The following RBMS3 variants were observed in gnomAD, a reference collection of about 807,000 sequenced individuals.
The protein encoded by RBMS3 is RNA binding motif single stranded interacting protein 3, also known as RNA-binding motif, single-stranded-interacting protein 3.
RBMS3 carries 27 observed loss-of-function variants against 66.8 expected under a neutral mutation model. That is an observed-to-expected ratio of 0.40 (90% CI 0.30 to 0.56). The LOEUF (loss-of-function observed/expected upper bound fraction) is 0.56. Among genes scored for constraint, RBMS3 ranks in the 20% least tolerant of loss-of-function variants. RBMS3 has a pLI of 0.40. For missense variants in RBMS3, 513 were observed against 549.5 expected, an observed-to-expected ratio of 0.93 and a Z score of 0.66; for synonymous variants, 188 against 183.0, an observed-to-expected ratio of 1.03 and a Z score of -0.22.
Position 29,999,008 on chromosome 3 carries a change from C to T in RBMS3, c.1308-4848C>T, listed in dbSNP as rs866098228. Among the ~76,000 whole-genome samples the T allele has an allele frequency of 2.7e-4, 41 of 152,002 alleles. 1 individual carries two copies. Among genetic ancestry groups the T allele is most frequent in the Middle Eastern group, 3.4e-3 (1 of 294 alleles). On this transcript the variant is annotated intron_variant, in intron 14 of 14. Transcript: ENST00000383767. ...AACCTACAGAATGGGAGAAAATTTT[C>T]GCAACCTACTCATCTGACAAAGGGC...
At chr3:29,488,377 G>GAGTGTTTTA (rs2043401186) in intron 2 of RBMS3, 64 bp from the exon 3 acceptor site, 14 of 1,381,400 alleles carry the variant, frequency 1.0e-5, no homozygotes, top group Non-Finnish European at 1.3e-5. Context: ...ATGTTCATTA[G>GAGTGTTTTA]AGTGTTTTAA....
chr3:29,935,338 T>G (rs957851433), intron 10 of RBMS3, among the ~76,000 whole-genome samples: 1 of 151,978 alleles, frequency 6.6e-6, no homozygotes, highest in Non-Finnish European at 1.5e-5. Flanking sequence ...TGATAATAAA[T>G]CAAAAGACAT....
At chr3:29,741,648 C>T (rs1332980776) in intron 5 of RBMS3, among the ~76,000 whole-genome samples, 1 of 152,132 alleles carries the variant, frequency 6.6e-6, no homozygotes. Context: ...TTTCTTTAAA[C>T]AAAGGATGTG....
At chr3:29,890,926 G>T (rs1244460402) in intron 8 of RBMS3, among the ~76,000 whole-genome samples, 2 of 151,404 alleles carry the variant, frequency 1.3e-5, no homozygotes, top group Admixed American at 6.6e-5. Context: ...CCGTGGAGGA[G>T]AGGCAGTTGT....
chr3:29,630,830 A>G (rs1043877161), intron 4 of RBMS3, among the ~76,000 whole-genome samples: 6 of 152,102 alleles, frequency 3.9e-5, no homozygotes, highest in Middle Eastern at 3.4e-3. Context: ...CAAACAAGTA[A>G]TGATTCATTT....
At chr3:29,838,872 T>C (rs1306961535) in intron 6 of RBMS3, among the ~76,000 whole-genome samples, 2 of 152,178 alleles carry the variant, frequency 1.3e-5, no homozygotes, top group Admixed American at 6.5e-5. Flanking sequence ...TCTGTGAGAT[T>C]GGGTCACCGT....
intron 1 of RBMS3, among the ~76,000 whole-genome samples, chr3:29,335,287 T>TA (rs1384116902): frequency 6.6e-6 from 1 of 152,166 alleles, no homozygotes; most frequent in Non-Finnish European, 1.5e-5. Flanking sequence ...TGCGTACTGA[T>TA]ACAATATTTT....
intron 4 of RBMS3, among the ~76,000 whole-genome samples, chr3:29,700,323 G>C (rs7609577): frequency 0.6 from 91,477 of 151,988 alleles, 27,750 homozygotes; most frequent in African/African-American, 0.67. Flanking sequence ...TTCTTTTTCA[G>C]TCTCTTCCAT....
At chr3:29,804,105 A>G (rs2057470587) in intron 6 of RBMS3, among the ~76,000 whole-genome samples, 1 of 152,100 alleles carries the variant, frequency 6.6e-6, no homozygotes, top group Admixed American at 6.6e-5. Context: ...ATCACTTTAT[A>G]CAAGCAGATT....
intron 6 of RBMS3, among the ~76,000 whole-genome samples, chr3:29,820,363 G>A (rs2058046669): frequency 6.6e-6 from 1 of 151,578 alleles, no homozygotes; most frequent in Non-Finnish European, 1.5e-5. Context: ...TAAAACACAG[G>A]CTTTTTCTAT....
rs1491185048 is a variant in RBMS3 at position 29,587,224 on chromosome 3, GGT to G, written c.399+22_399+23del. ...GGCTAAGGTAAGATTGATGTTTAGG[GGT>G]GTTTTTTTTTTTTTTTTTTTTTTGT... On this transcript the variant is annotated intron_variant, in intron 4 of 14. Transcript: ENST00000383767. 1.7e-6 allele frequency: 1 copy of G among 574,732 alleles called. No homozygotes were observed. Among genetic ancestry groups the G allele is most frequent in the Non-Finnish European group, 2.5e-6 (1 of 396,440 alleles). The allele number at this position is 574,732 out of a possible 1,614,324, so 35.6% of individuals were successfully genotyped here. A position where few individuals can be genotyped will look rare whatever the true frequency, so the allele number is the denominator to read the frequency against.
chr3:29,817,195 T>TG (rs202102774), intron 6 of RBMS3, among the ~76,000 whole-genome samples: 1 of 146,030 alleles, frequency 6.8e-6, no homozygotes, highest in Non-Finnish European at 1.5e-5. Flanking sequence ...TTCTTTTCTT[T>TG]TTTTTTTTTT....
At chr3:29,910,855 A>G (rs2060497330) in intron 10 of RBMS3, among the ~76,000 whole-genome samples, 1 of 151,972 alleles carries the variant, frequency 6.6e-6, no homozygotes, top group African/African-American at 2.4e-5. Flanking sequence ...TGGAGTTTAG[A>G]GTTAGATTTT....
At chr3:29,405,395 T>C (rs1032377856) in intron 1 of RBMS3, among the ~76,000 whole-genome samples, 4 of 152,184 alleles carry the variant, frequency 2.6e-5, no homozygotes, top group Admixed American at 2.6e-4. Context: ...ATTCTTTATT[T>C]TGTGTGCCTC....
At chr3:29,687,780 A>G (rs190160086) in intron 4 of RBMS3, among the ~76,000 whole-genome samples, 1 of 152,310 alleles carries the variant, frequency 6.6e-6, no homozygotes, top group East Asian at 1.9e-4. Flanking sequence ...CAATATTTTC[A>G]CAATTGTGAC....
At chr3:29,603,914 A>G (rs765185962) in intron 4 of RBMS3, among the ~76,000 whole-genome samples, 3 of 151,966 alleles carry the variant, frequency 2.0e-5, no homozygotes, top group African/African-American at 4.8e-5. Flanking sequence ...CAATTAGGGC[A>G]CAAGTTGCTT....
In RBMS3 at chr3:29,485,604, T is replaced by C. The variant is rs901600735; in HGVS notation, c.249-2837T>C. On this transcript the variant is annotated intron_variant, in intron 2 of 14. Coordinates refer to ENST00000383767, the MANE Select transcript of RBMS3 (RefSeq NM_001003793.3). ...GAGAAGGCCCACATAGAAAGAACTA[T>C]AGTGTAAAATATATTTACTTCATTT... 4.6e-5 allele frequency among the ~76,000 whole-genome samples: 7 copies of C among 152,292 alleles called. No individual in the cohort carries two copies. In the East Asian group the frequency reaches 9.6e-4, roughly 21 times the overall value.
At chr3:29,991,253 T>A (rs986176251) in intron 14 of RBMS3, 44 bp downstream of exon 14, 4 of 1,613,040 alleles carry the variant, frequency 2.5e-6, no homozygotes, top group Admixed American at 3.3e-5. Context: ...AGATCAGCCA[T>A]CTTGACATCA....
intron 13 of RBMS3, among the ~76,000 whole-genome samples, chr3:29,990,460 CAAAAAA>C (rs10596526): frequency 0.15 from 16,556 of 107,230 alleles, 561 homozygotes; most frequent in Middle Eastern, 0.24. Context: ...CTGTGAGAAA[CAAAAAA>C]AAAAAAAAAA....
Sources: gnomAD v4.1 joint callset for allele counts (sites outside exome capture counted in the v4.1 genomes callset) on GRCh38, gnomAD v4.1.1 for gene constraint, MANE v1.5 for transcripts, NCBI Gene and HGNC (gene_info 2026-07-23, HGNC 2026-07-21) for gene names.